Variants in NEMF observed in about 807,000 individuals in gnomAD.
The protein encoded by NEMF is ribosome quality control complex subunit NEMF.
In NEMF, 89 loss-of-function variants were observed where a neutral mutation model predicts 162.2. The observed-to-expected ratio is 0.55, with a 90% CI of 0.46 to 0.65. NEMF has a LOEUF of 0.65. NEMF is among the 30% of genes least tolerant of loss of function. The pLI, the probability that NEMF is intolerant of heterozygous loss-of-function variation, is 0.00. For missense variants in NEMF, 1,133 were observed against 1,261.9 expected, an observed-to-expected ratio of 0.90 and a Z score of 1.55; for synonymous variants, 421 against 404.5, an observed-to-expected ratio of 1.04 and a Z score of -0.49.
chr14:49,851,293 G>A (rs767365097), intron 3 of NEMF, among the ~76,000 whole-genome samples: 1 of 152,224 alleles, frequency 6.6e-6, no homozygotes, highest in South Asian at 2.1e-4. Context: ...GTGAATTACA[G>A]TTAAGGAACT....
At chr14:49,816,778 C>T (rs1594763422) in intron 16 of NEMF, among the ~76,000 whole-genome samples, 1 of 152,174 alleles carries the variant, frequency 6.6e-6, no homozygotes, top group South Asian at 2.1e-4. Flanking sequence ...CTTACTTAAC[C>T]ATTCCCCTAC....
At chr14:49,829,487 T>A in intron 11 of NEMF, 61 bp from the exon 12 acceptor site, 4 of 1,342,594 alleles carry the variant, frequency 3.0e-6, no homozygotes, top group Non-Finnish European at 4.2e-6. Flanking sequence ...GACATCCCTC[T>A]CTTACTTCCC....
intron 29 of NEMF, chr14:49,785,598 A>C (rs1350710490): frequency 2.8e-6 from 1 of 351,060 alleles, no homozygotes; most frequent in Non-Finnish European, 5.4e-6. Flanking sequence ...AAGAGAAAGA[A>C]GGCCCAGGAG....
intron 16 of NEMF, chr14:49,820,025 C>G (rs1438230281): frequency 6.1e-6 from 1 of 163,108 alleles, no homozygotes; most frequent in Admixed American, 6.5e-5. Context: ...CATCTTGGCT[C>G]ACTGCAACCT....
intron 6 of NEMF, among the ~76,000 whole-genome samples, chr14:49,836,611 A>G (rs182558139): frequency 1.3e-5 from 2 of 152,080 alleles, no homozygotes; most frequent in Non-Finnish European, 2.9e-5. Context: ...GTGGCACCGC[A>G]CTTCAGCCTG....
At chr14:49,799,393 T>C in intron 25 of NEMF, 82 bp downstream of exon 25, 1 of 1,167,784 alleles carries the variant, frequency 8.6e-7, no homozygotes, top group South Asian at 1.4e-5. Flanking sequence ...TTTAAACAGC[T>C]AAGTAATCTG....
intron 6 of NEMF, among the ~76,000 whole-genome samples, chr14:49,835,674 C>T (rs1892862558): frequency 6.6e-6 from 1 of 152,072 alleles, no homozygotes; most frequent in African/African-American, 2.4e-5. Context: ...CACAATAAGG[C>T]AAATTAATTA....
Position 49,838,190 on chromosome 14 carries a change from C to A in NEMF, c.523G>T (p.Ala175Ser). 6.2e-7 allele frequency: 1 copy of A among 1,613,862 alleles called. No individual in the cohort carries two copies. The highest frequency in any genetic ancestry group is 1.6e-4 in the Middle Eastern group (1 of 6,062). Residue 175 changes from alanine to serine, a missense_variant, in exon 6 of 33, where the codon GCC (alanine) becomes TCC (serine). By Grantham distance (99) the Ala-to-Ser change is moderately conservative. Transcript: ENST00000298310. ...LTLERLTEIV[A>S]SAPKGELLKR... ...AGTAGTTCACCCTTAGGTGCGCTGGCTACTATTTCAGTCAACCTGTGAAAC... is the reference window on the plus strand; with the variant it reads ...AGTAGTTCACCCTTAGGTGCGCTGGATACTATTTCAGTCAACCTGTGAAAC...
At chr14:49,808,033 G>C (rs1171760298) in intron 18 of NEMF, among the ~76,000 whole-genome samples, 2 of 151,956 alleles carry the variant, frequency 1.3e-5, no homozygotes, top group Non-Finnish European at 2.9e-5. Context: ...TTTTCAGCTG[G>C]GTTACTTCCC....
Position 49,789,248 on chromosome 14 carries a change from A to G in NEMF, c.2793T>C (p.Gly931=), listed in dbSNP as rs1259581994. 6.2e-7 allele frequency: 1 copy of G among 1,613,932 alleles called. No individual in the cohort carries two copies. ...TAATGTTGTCAGAGACCCTCTGTCC[A>G]CCTCTAGGTTTCTGGGGCTGTTTCT... is the stretch of plus-strand genomic sequence containing the variant. ...PVKKQPQKPR[G]GQRVSDNIKK... is the part of the protein sequence containing the mutation. The change falls in exon 28 of 33, where the codon GGT becomes GGC. Residue 931 remains glycine, a synonymous_variant. Coordinates refer to ENST00000298310, the MANE Select transcript of NEMF (RefSeq NM_004713.6).
chr14:49,833,474 A>G lies in NEMF; in HGVS notation c.684T>C (p.Ser228=), dbSNP rs1250062800. 6.3e-7 allele frequency: 1 copy of G among 1,585,966 alleles called. No homozygotes were observed. Among genetic ancestry groups the G allele is most frequent in the African/African-American group, 1.3e-5 (1 of 74,552 alleles). The part of the protein sequence containing the change: ...ETKDIEKVLV[S]LQKAEDYMKT... Reference sequence around the variant, plus strand: ...TCATATAGTCTTCTGCTTTCTGCAGAGAAACAAGTACTTTTTCAATATCTA... The same window carrying G: ...TCATATAGTCTTCTGCTTTCTGCAGGGAAACAAGTACTTTTTCAATATCTA... Residue 228 remains serine (S), a synonymous_variant, in exon 8 of 33, where the codon TCT becomes TCC. Coordinates refer to ENST00000298310, the MANE Select transcript of NEMF (RefSeq NM_004713.6).
chr14:49,825,792 T>A, intron 16 of NEMF, 75 bp downstream of exon 16: 1 of 997,904 alleles, frequency 1.0e-6, no homozygotes, highest in South Asian at 1.5e-5. Context: ...TAGAACTGTT[T>A]GACTTTTCTA....
At chr14:49,802,783 T>C in intron 20 of NEMF, 56 bp from the exon 21 acceptor site, 1 of 1,392,820 alleles carries the variant, frequency 7.2e-7, no homozygotes, top group Admixed American at 2.1e-5. Flanking sequence ...CATTTTTTGC[T>C]TGTAAAACAA....
At chr14:49,789,455 T>A (rs1396911956) in intron 27 of NEMF, 41 bp downstream of exon 27, 1 of 1,609,250 alleles carries the variant, frequency 6.2e-7, no homozygotes, top group Non-Finnish European at 8.5e-7. Flanking sequence ...TAGATGCCCA[T>A]TTGAAAAGCA....
intron 8 of NEMF, 139 bp from the exon 9 acceptor site, chr14:49,832,416 C>G (rs1892691163): frequency 1.7e-6 from 1 of 584,344 alleles, no homozygotes. Context: ...ACTGCAACCT[C>G]TGCCTCCCGG....
intron 16 of NEMF, chr14:49,820,258 C>T: frequency 2.8e-6 from 1 of 353,300 alleles, no homozygotes; most frequent in South Asian, 2.1e-5. Context: ...CCCCCATTTC[C>T]TTTTGACAGC....
chr14:49,790,063 A>C (rs1890368408), intron 26 of NEMF, among the ~76,000 whole-genome samples: 1 of 152,200 alleles, frequency 6.6e-6, no homozygotes, highest in East Asian at 1.9e-4. Context: ...TTTAAACTAT[A>C]AACATCTAGG....
chr14:49,785,948 T>C, intron 29 of NEMF: 1 of 151,992 alleles, frequency 6.6e-6, no homozygotes, highest in Non-Finnish European at 1.5e-5. Context: ...AGAAACCTGC[T>C]GTGGATTAAA....
At chr14:49,829,708 A>C (rs1892544657) in intron 11 of NEMF, among the ~76,000 whole-genome samples, 1 of 152,346 alleles carries the variant, frequency 6.6e-6, no homozygotes, top group Middle Eastern at 3.4e-3. Context: ...GGCATTATTC[A>C]AACAGGCAGA....
Sources: gnomAD v4.1 joint callset for allele counts (sites outside exome capture counted in the v4.1 genomes callset) on GRCh38, gnomAD v4.1.1 for gene constraint, MANE v1.5 for transcripts, NCBI Gene and HGNC (gene_info 2026-07-23, HGNC 2026-07-21) for gene names.